The following ADAM12 variants were observed in gnomAD, a reference collection of about 807,000 sequenced individuals.
The protein encoded by ADAM12 is ADAM metallopeptidase domain 12.
A neutral mutation model predicts 106.4 loss-of-function variants in ADAM12; 70 were observed. The ratio of observed to expected loss-of-function variants is 0.66; its 90% confidence interval spans 0.54 to 0.80. The LOEUF is 0.80. ADAM12 is among the 30% of genes least tolerant of loss of function. The probability of loss-of-function intolerance (pLI) is 0.00; values close to 1 mark genes in which losing one functional copy is unlikely to be tolerated. For synonymous variants in ADAM12, 420 were observed against 433.5 expected (o/e 0.97, Z 0.39); for missense variants, 1,010 against 1,171.9 (o/e 0.86, Z 2.02).
intron 3 of ADAM12, among the ~76,000 whole-genome samples, chr10:126,227,643 G>T (rs187008059): frequency 2.6e-5 from 4 of 152,264 alleles, no homozygotes; most frequent in Admixed American, 1.3e-4. Flanking sequence ...CGTTTGAGAA[G>T]CCCTGGCCCA....
chr10:126,017,131 C>T lies in ADAM12; in HGVS notation c.*148G>A, dbSNP rs184282529. 2,409 of 683,334 alleles carry T rather than the reference C, an allele frequency of 3.5e-3. 24 individuals carry two copies. The highest frequency in any genetic ancestry group is 0.016 in the South Asian group (809 of 50,148). 42.3% of individuals were successfully genotyped at this position (683,334 alleles called of 1,614,324 possible). ...GTAGACAGAGCACCATAGCACAGCA[C>T]AGCACTGACGGCAGTAGCTCAAAGT... On this transcript the variant is annotated 3_prime_UTR_variant, in exon 23 of 23. Transcript: ENST00000448723.
intron 6 of ADAM12, among the ~76,000 whole-genome samples, chr10:126,112,374 T>A (rs1156853219): frequency 2.6e-5 from 4 of 151,718 alleles, no homozygotes; most frequent in Non-Finnish European, 5.9e-5. Context: ...ATAATAATTT[T>A]AAAAAATTTA....
intron 3 of ADAM12, among the ~76,000 whole-genome samples, chr10:126,175,407 A>T (rs1957201910): frequency 6.6e-6 from 1 of 152,214 alleles, no homozygotes; most frequent in Non-Finnish European, 1.5e-5. Context: ...AATAAAACTC[A>T]AAACAGGCAA....
intron 1 of ADAM12, among the ~76,000 whole-genome samples, chr10:126,377,817 C>T (rs1290409260): frequency 6.6e-6 from 1 of 152,156 alleles, no homozygotes; most frequent in Non-Finnish European, 1.5e-5. Context: ...ACAAATGTTA[C>T]TAGAGCAATT....
At chr10:126,161,438 G>A (rs1163681413) in intron 3 of ADAM12, among the ~76,000 whole-genome samples, 2 of 152,220 alleles carry the variant, frequency 1.3e-5, no homozygotes, top group African/African-American at 4.8e-5. Flanking sequence ...TAACCACTGT[G>A]TGGCGCTACC....
At chr10:126,028,151 G>T (rs1953910868) in intron 21 of ADAM12, among the ~76,000 whole-genome samples, 1 of 152,124 alleles carries the variant, frequency 6.6e-6, no homozygotes, top group Non-Finnish European at 1.5e-5. Context: ...TCTTCAAGGA[G>T]AACTACACCA....
At chr10:126,162,997 C>T (rs117526851) in intron 3 of ADAM12, among the ~76,000 whole-genome samples, 1,942 of 152,220 alleles carry the variant, frequency 0.013, 17 homozygotes, top group Non-Finnish European at 0.019. Context: ...CAATTAAAAG[C>T]ATGTGGCACC....
At chr10:126,061,983 A>G (rs939285297) in intron 14 of ADAM12, among the ~76,000 whole-genome samples, 31 of 152,172 alleles carry the variant, frequency 2.0e-4, no homozygotes, top group Admixed American at 3.9e-4. Context: ...CTCCCAAAGG[A>G]GGTGGTCAAA....
chr10:126,325,800 C>A (rs1666909641), intron 2 of ADAM12, among the ~76,000 whole-genome samples: 1 of 152,308 alleles, frequency 6.6e-6, no homozygotes. Context: ...TTCAGTGTCA[C>A]CTTACATTTC....
intron 1 of ADAM12, among the ~76,000 whole-genome samples, chr10:126,356,817 T>G (rs900561919): frequency 2.0e-5 from 3 of 151,876 alleles, no homozygotes; most frequent in South Asian, 2.1e-4. Context: ...ACACTAGAGA[T>G]AAAGAATACA....
chr10:126,063,279 C>T (rs543910197), intron 14 of ADAM12, among the ~76,000 whole-genome samples: 1 of 152,324 alleles, frequency 6.6e-6, no homozygotes, highest in East Asian at 1.9e-4. Flanking sequence ...CCAAGCTGCC[C>T]TTTCTTTTCC....
Position 126,101,089 on chromosome 10 carries a change from G to C in ADAM12, c.894C>G (p.Asp298Glu), listed in dbSNP as rs1287688271. Residue 298 changes from aspartate to glutamate, a missense_variant, in exon 9 of 23, where the codon GAC becomes GAG. By Grantham distance (45) the Asp-to-Glu change is conservative. This residue lies in a region of ADAM12 where 391 missense variants were observed against 442.9 expected (regional missense o/e 0.88). Transcript: ENST00000448723. ...KMKLLPRKSH[D>E]NAQLVSGVYF... ...CTCCCTACCTGACAAGCTGCGCATTGTCATGGGATTTGCGAGGTAGAAGCT... is the reference window on the plus strand; with the variant it reads ...CTCCCTACCTGACAAGCTGCGCATTCTCATGGGATTTGCGAGGTAGAAGCT... The C allele has an allele frequency of 6.2e-7, 1 of 1,613,832 alleles. No individual in the cohort carries two copies. Among genetic ancestry groups the C allele is most frequent in the Non-Finnish European group, 8.5e-7 (1 of 1,179,882 alleles).
At chr10:126,272,827 A>T (rs1242800979) in intron 3 of ADAM12, 1 of 416,730 alleles carries the variant, frequency 2.4e-6, no homozygotes, top group African/African-American at 2.1e-5. Context: ...AATGTCTTTC[A>T]TCTGTGAGTG....
At chr10:126,291,591 C>G (rs1320369651) in intron 2 of ADAM12, among the ~76,000 whole-genome samples, 1 of 152,150 alleles carries the variant, frequency 6.6e-6, no homozygotes, top group African/African-American at 2.4e-5. Context: ...TGCTTGCCTG[C>G]CTGGCTGTGT....
intron 2 of ADAM12, among the ~76,000 whole-genome samples, chr10:126,291,693 C>T (rs1225772744): frequency 6.6e-6 from 1 of 152,076 alleles, no homozygotes; most frequent in Admixed American, 6.5e-5. Context: ...GGAGAAGCTC[C>T]ACTGGAGTTG....
In ADAM12 at chr10:126,157,155, C is replaced by T. The variant is rs1051176871; in HGVS notation, c.261-1850G>A. Among the ~76,000 whole-genome samples the T allele has an allele frequency of 4.6e-5, 7 of 152,318 alleles. No individual in the cohort carries two copies. The East Asian group carries it at 1.4e-3, about 29-fold the overall frequency. On this transcript the variant is annotated intron_variant, in intron 3 of 22. Coordinates refer to ENST00000448723, the MANE Select transcript of ADAM12 (RefSeq NM_001288973.2). The stretch of plus-strand genomic sequence containing the variant: ...GGGGATGACGTCTTTCTTCTCTGTT[C>T]TCAAGGCTCTGAGAATGTGGCCACC...
intron 3 of ADAM12, among the ~76,000 whole-genome samples, chr10:126,183,176 C>T (rs1315292000): frequency 6.6e-6 from 1 of 152,188 alleles, no homozygotes. Flanking sequence ...CGTCTAGTTA[C>T]AGGAAAACAA....
chr10:126,278,123 A>G (rs1959363803), intron 3 of ADAM12, among the ~76,000 whole-genome samples: 1 of 152,168 alleles, frequency 6.6e-6, no homozygotes, highest in African/African-American at 2.4e-5. Context: ...TGGAAGAGAG[A>G]AACTGCTATT....
rs1958585128 is a variant in ADAM12 at position 126,244,203 on chromosome 10, G to T, written c.260+34712C>A. 4.6e-5 allele frequency among the ~76,000 whole-genome samples: 7 copies of T among 152,326 alleles called. No individual in the cohort carries two copies. The South Asian group carries it at 1.5e-3, about 32-fold the overall frequency. On this transcript the variant is annotated intron_variant, in intron 3 of 22. Coordinates refer to ENST00000448723, the MANE Select transcript of ADAM12 (RefSeq NM_001288973.2). Reference sequence around the variant, plus strand: ...TATGGGCAAAGTATGAATCCAACATGAGTTGTATTCAAAGGAAGCGAATGG... The same window carrying T: ...TATGGGCAAAGTATGAATCCAACATTAGTTGTATTCAAAGGAAGCGAATGG...
Sources: gnomAD v4.1 joint callset for allele counts (sites outside exome capture counted in the v4.1 genomes callset) on GRCh38, gnomAD v4.1.1 for gene constraint, gnomAD v4.1.1 regional missense constraint, MANE v1.5 for transcripts, NCBI Gene and HGNC (gene_info 2026-07-23, HGNC 2026-07-21) for gene names.